The following LHFPL3 variants were observed in gnomAD, a reference collection of about 807,000 sequenced individuals.
LHFPL3 encodes LHFPL tetraspan subfamily member 3 protein.
A neutral mutation model predicts 19.3 loss-of-function variants in LHFPL3; 5 were observed. The observed-to-expected ratio is 0.26, with a 90% CI of 0.14 to 0.54. LHFPL3 has a LOEUF of 0.54. LHFPL3 is among the 20% of genes least tolerant of loss of function. LHFPL3 has a pLI of 0.94. For synonymous variants in LHFPL3, 133 were observed against 126.2 expected (o/e 1.05, Z -0.36); for missense variants, 249 against 307.4 (o/e 0.81, Z 1.42).
chr7:104,433,889 G>A (rs1476800975), intron 1 of LHFPL3, among the ~76,000 whole-genome samples: 3 of 152,078 alleles, frequency 2.0e-5, no homozygotes, highest in Admixed American at 6.5e-5. Flanking sequence ...CACAGTGCCC[G>A]GCACACAGGA....
chr7:104,410,635 G>T (rs150843612), intron 1 of LHFPL3, among the ~76,000 whole-genome samples: 1 of 152,314 alleles, frequency 6.6e-6, no homozygotes, highest in African/African-American at 2.4e-5. Flanking sequence ...TCATTTGTGA[G>T]TTATAGCACA....
At chr7:104,438,218 T>C (rs187812927) in intron 1 of LHFPL3, among the ~76,000 whole-genome samples, 171 of 152,344 alleles carry the variant, frequency 1.1e-3, no homozygotes, top group African/African-American at 3.9e-3. Context: ...ACAGACATTC[T>C]GTTACACCAT....
At chr7:104,416,472 C>A (rs1791625579) in intron 1 of LHFPL3, among the ~76,000 whole-genome samples, 1 of 152,214 alleles carries the variant, frequency 6.6e-6, no homozygotes, top group African/African-American at 2.4e-5. Flanking sequence ...GGAGACAAAC[C>A]TTCCGTGGCC....
chr7:104,389,393 A>G (rs1029000684), intron 1 of LHFPL3, among the ~76,000 whole-genome samples: 2 of 152,198 alleles, frequency 1.3e-5, no homozygotes, highest in Non-Finnish European at 2.9e-5. Context: ...TGGAAAGGCA[A>G]TTCATGTGTA....
At chr7:104,413,835 G>A (rs1294644612) in intron 1 of LHFPL3, among the ~76,000 whole-genome samples, 2 of 152,104 alleles carry the variant, frequency 1.3e-5, no homozygotes. Context: ...TTCCCATAAG[G>A]CGAAGCTTCT....
chr7:104,691,012 G>C (rs1353021644), intron 1 of LHFPL3, among the ~76,000 whole-genome samples: 1 of 152,202 alleles, frequency 6.6e-6, no homozygotes, highest in African/African-American at 2.4e-5. Flanking sequence ...GGATTTTGGA[G>C]CAAGGTTCTA....
chr7:104,638,418 A>G (rs933724131), intron 1 of LHFPL3, among the ~76,000 whole-genome samples: 1 of 151,938 alleles, frequency 6.6e-6, no homozygotes, highest in Non-Finnish European at 1.5e-5. Context: ...CAGGACTTCC[A>G]ATACTATGTT....
chr7:104,807,961 G>C (rs954714283), intron 2 of LHFPL3, among the ~76,000 whole-genome samples: 1 of 152,198 alleles, frequency 6.6e-6, no homozygotes, highest in African/African-American at 2.4e-5. Context: ...CAACGGGAGT[G>C]TTTATTTGCA....
intron 1 of LHFPL3, among the ~76,000 whole-genome samples, chr7:104,365,644 G>A (rs1000950700): frequency 2.0e-5 from 3 of 149,710 alleles, no homozygotes; most frequent in Non-Finnish European, 4.4e-5. Flanking sequence ...AGCCGGGCGC[G>A]GTGGCGGGCG....
chr7:104,864,420 A>C (rs566728219), intron 2 of LHFPL3, among the ~76,000 whole-genome samples: 1 of 152,304 alleles, frequency 6.6e-6, no homozygotes, highest in South Asian at 2.1e-4. Flanking sequence ...TCCCACCCTA[A>C]TACTGCACTT....
intron 2 of LHFPL3, among the ~76,000 whole-genome samples, chr7:104,839,758 T>C (rs1281632469): frequency 6.6e-6 from 1 of 152,222 alleles, no homozygotes; most frequent in Non-Finnish European, 1.5e-5. Context: ...CTTGTGAAGA[T>C]ATTAAGTCTC....
At chr7:104,728,477 T>C (rs1793630260) in intron 1 of LHFPL3, among the ~76,000 whole-genome samples, 1 of 152,160 alleles carries the variant, frequency 6.6e-6, no homozygotes, top group Admixed American at 6.6e-5. Flanking sequence ...CTCCTTATAG[T>C]TCCTCAAACA....
At chr7:104,543,666 A>G (rs1369822033) in intron 1 of LHFPL3, among the ~76,000 whole-genome samples, 1 of 150,228 alleles carries the variant, frequency 6.7e-6, no homozygotes, top group African/African-American at 2.5e-5. Flanking sequence ...TCGCAAGGAC[A>G]AAAAAACCAA....
chr7:104,374,035 C>T (rs191955180), intron 1 of LHFPL3, among the ~76,000 whole-genome samples: 5 of 152,146 alleles, frequency 3.3e-5, no homozygotes, highest in African/African-American at 9.6e-5. Flanking sequence ...AAATAAAACC[C>T]GTCTGATGAG....
intron 1 of LHFPL3, among the ~76,000 whole-genome samples, chr7:104,629,401 A>C (rs1205357419): frequency 6.6e-6 from 1 of 152,186 alleles, no homozygotes; most frequent in East Asian, 1.9e-4. Flanking sequence ...GTGGTCCCAC[A>C]GTTCAAAATT....
rs374154484 is a variant in LHFPL3 at position 104,775,140 on chromosome 7, C to T, written c.682+38229C>T. On this transcript the variant is annotated intron_variant, in intron 2 of 2. Transcript: ENST00000424859. ...GGCACGGTGGCTCATGCCTGTAATT[C>T]TAGCACTTTGGGAGGCCAAGGCAGG... is the stretch of plus-strand genomic sequence containing the variant. 5.3e-5 allele frequency among the ~76,000 whole-genome samples: 8 copies of T among 152,302 alleles called. No individual in the cohort carries two copies. In the East Asian group the frequency reaches 1.2e-3, roughly 22 times the overall value.
intron 1 of LHFPL3, among the ~76,000 whole-genome samples, chr7:104,517,506 CTTTT>C (rs34506009): frequency 2.3e-5 from 3 of 129,370 alleles, no homozygotes; most frequent in East Asian, 2.2e-4. Flanking sequence ...ATTGATTGGC[CTTTT>C]TTTTTTTTTT....
chr7:104,495,074 C>G (rs1793434760), intron 1 of LHFPL3, among the ~76,000 whole-genome samples: 1 of 152,304 alleles, frequency 6.6e-6, no homozygotes, highest in Middle Eastern at 3.4e-3. Context: ...CAATATATCA[C>G]TCTGTTTCCT....
At chr7:104,750,016 G>C (rs1347823428) in intron 2 of LHFPL3, among the ~76,000 whole-genome samples, 1 of 152,100 alleles carries the variant, frequency 6.6e-6, no homozygotes, top group African/African-American at 2.4e-5. Flanking sequence ...GCTATATAAT[G>C]GAGCGGGCAT....
Sources: allele counts gnomAD v4.1 joint callset (sites outside exome capture counted in the v4.1 genomes callset), GRCh38; gene constraint gnomAD v4.1.1; transcripts MANE v1.5; gene names NCBI Gene and HGNC (gene_info 2026-07-23, HGNC 2026-07-21).